The following ARHGAP35 variants were observed in gnomAD, a reference collection of about 807,000 sequenced individuals.
The protein encoded by ARHGAP35 is rho GTPase-activating protein 35.
ARHGAP35 carries 15 observed loss-of-function variants against 111.1 expected under a neutral mutation model. The observed-to-expected ratio is 0.13, with a 90% CI of 0.09 to 0.21. The LOEUF is 0.21. Ranked by LOEUF, ARHGAP35 falls within the 10% of genes least tolerant of loss-of-function variation. The pLI, the probability that ARHGAP35 is intolerant of heterozygous loss-of-function variation, is 1.00. For missense variants in ARHGAP35, 1,262 were observed against 1,873.0 expected, an observed-to-expected ratio of 0.67 and a Z score of 6.02; for synonymous variants, 643 against 710.3, an observed-to-expected ratio of 0.91 and a Z score of 1.51.
At chr19:46,965,262 G>T (rs1386863547) in intron 3 of ARHGAP35, among the ~76,000 whole-genome samples, 1 of 152,144 alleles carries the variant, frequency 6.6e-6, no homozygotes, top group African/African-American at 2.4e-5. Flanking sequence ...GCAGTGAGCC[G>T]AGATTGCGCC....
intron 1 of ARHGAP35, among the ~76,000 whole-genome samples, chr19:46,887,609 G>A (rs139738311): frequency 6.6e-6 from 1 of 152,154 alleles, no homozygotes; most frequent in African/African-American, 2.4e-5. Context: ...CTCTCTAAGG[G>A]CCTCTAGAAG....
chr19:46,966,014 T>C (rs562895147), intron 3 of ARHGAP35, among the ~76,000 whole-genome samples: 2 of 152,190 alleles, frequency 1.3e-5, no homozygotes, highest in East Asian at 3.9e-4. Flanking sequence ...ATAAAGGAAG[T>C]ATTAGTTGGA....
At chr19:46,895,116 T>C (rs1331688750) in intron 1 of ARHGAP35, among the ~76,000 whole-genome samples, 1 of 152,108 alleles carries the variant, frequency 6.6e-6, no homozygotes, top group East Asian at 1.9e-4. Flanking sequence ...TAGAAATGAA[T>C]TTTTGCAATT....
chr19:46,921,611 A>C lies in ARHGAP35; in HGVS notation c.2936A>C (p.Asn979Thr). ...CCCCGGGCAGGATCACCGCTCTGCA[A>C]CTCAAACCTGCAGGATTCAGAAGAA... Reference protein sequence around the residue: ...NSPRAGSPLCNSNLQDSEEDI... With the variant: ...NSPRAGSPLCTSNLQDSEEDI... The change falls in exon 2 of 7, where the codon AAC becomes ACC. Residue 979 changes from asparagine to threonine, a missense_variant. By Grantham distance (65) the Asn-to-Thr change is moderately conservative (BLOSUM62 0). Around this residue, in one of 8 missense-constraint regions of ARHGAP35, gnomAD observed 579 missense variants for 716.9 expected, o/e 0.81. Transcript: ENST00000672722. This position sits in a 1 kb window ranked among gnomAD's most constrained non-coding sequence, Gnocchi z 4.3. 4 of 1,613,908 alleles carry C rather than the reference A, an allele frequency of 2.5e-6. No homozygotes were observed. The African/African-American group carries it at 5.3e-5, about 22-fold the overall frequency.
At chr19:46,951,436 T>G (rs1279197221) in intron 3 of ARHGAP35, among the ~76,000 whole-genome samples, 1 of 149,118 alleles carries the variant, frequency 6.7e-6, no homozygotes, top group Non-Finnish European at 1.5e-5. Context: ...TTGTGCCATG[T>G]GTGTTTTGAT....
At chr19:46,953,023 C>T (rs1015550253) in intron 3 of ARHGAP35, among the ~76,000 whole-genome samples, 3 of 152,150 alleles carry the variant, frequency 2.0e-5, no homozygotes, top group African/African-American at 7.2e-5. Flanking sequence ...TATTTCTCTG[C>T]CTGGCTCCAG....
chr19:46,931,466 A>G (rs894989638), intron 2 of ARHGAP35, among the ~76,000 whole-genome samples: 6 of 152,150 alleles, frequency 3.9e-5, no homozygotes, highest in African/African-American at 1.4e-4. Flanking sequence ...CTACTCTGCC[A>G]CAGTCGGGAG....
intron 1 of ARHGAP35, among the ~76,000 whole-genome samples, chr19:46,882,578 G>T (rs1206800598): frequency 1.3e-5 from 2 of 152,144 alleles, no homozygotes; most frequent in African/African-American, 4.8e-5. Flanking sequence ...ATGGTTTGCT[G>T]CACCTATCGA....
chr19:46,937,598 G>T (rs899742920), intron 3 of ARHGAP35, among the ~76,000 whole-genome samples, 190 bp downstream of exon 3: 9 of 152,142 alleles, frequency 5.9e-5, no homozygotes, highest in Admixed American at 1.3e-4. Context: ...TGAGGCTGTC[G>T]TTGGGCATTT....
chr19:46,926,701 C>T lies in ARHGAP35; in HGVS notation c.3681+4345C>T, dbSNP rs991121489. Among the ~76,000 whole-genome samples, 1 of 152,020 alleles carries T rather than the reference C, an allele frequency of 6.6e-6. No homozygotes were observed. Among genetic ancestry groups the T allele is most frequent in the Non-Finnish European group, 1.5e-5 (1 of 68,000 alleles). On this transcript the variant is annotated intron_variant, in intron 2 of 6. Coordinates refer to ENST00000672722, the MANE Select transcript of ARHGAP35 (RefSeq NM_004491.5). This position sits in a 1 kb window ranked among gnomAD's most constrained non-coding sequence, Gnocchi z 4.1. ...CTGCAGCAACCACATGACAAGACAA[C>T]CTATTGAAAAGCTAACCAATTCAAT...
chr19:46,989,769 TA>T lies in ARHGAP35; in HGVS notation c.4036+95del, dbSNP rs2056670140. The T allele has an allele frequency of 3.8e-6, 6 of 1,573,520 alleles. No homozygotes were observed. The highest frequency in any genetic ancestry group is 4.3e-6 in the Non-Finnish European group (5 of 1,157,658). The stretch of plus-strand genomic sequence containing the variant: ...TGCCCTCAGAATGGATGCTGGCTGT[TA>T]GAGCTGAGGTTTGAAGGACAGAGGG... On this transcript the variant is annotated intron_variant, in intron 5 of 6. Transcript: ENST00000672722. This position sits in a 1 kb window ranked among gnomAD's most constrained non-coding sequence, Gnocchi z 5.3.
intron 1 of ARHGAP35, among the ~76,000 whole-genome samples, chr19:46,909,159 C>T (rs760272369): frequency 7.9e-5 from 12 of 151,940 alleles, no homozygotes; most frequent in African/African-American, 1.2e-4. Flanking sequence ...AAAAATTAGC[C>T]GGCCGTGGTG....
At chr19:46,975,313 G>T (rs1416314284) in intron 3 of ARHGAP35, among the ~76,000 whole-genome samples, 1 of 152,168 alleles carries the variant, frequency 6.6e-6, no homozygotes, top group East Asian at 1.9e-4. Context: ...TCCTGCAGGG[G>T]TCCTAAATTT....
At chr19:46,959,296 TC>T (rs1191907202) in intron 3 of ARHGAP35, among the ~76,000 whole-genome samples, 2 of 152,070 alleles carry the variant, frequency 1.3e-5, no homozygotes, top group Non-Finnish European at 2.9e-5. Flanking sequence ...ACTCCTGTGC[TC>T]AAGTGATTCG....
intron 1 of ARHGAP35, among the ~76,000 whole-genome samples, chr19:46,868,266 ATCTG>A (rs2055869135): frequency 1.3e-5 from 2 of 152,214 alleles, no homozygotes; most frequent in South Asian, 2.1e-4. Context: ...AAGAATCCAG[ATCTG>A]TCTGATTTCA....
intron 3 of ARHGAP35, among the ~76,000 whole-genome samples, chr19:46,970,723 G>A (rs142044045): frequency 9.3e-4 from 142 of 152,330 alleles, no homozygotes; most frequent in Non-Finnish European, 1.8e-3. Flanking sequence ...AATCTAGTAA[G>A]GGTGAAGATT....
At chr19:46,864,948 C>T (rs1441685640) in intron 1 of ARHGAP35, among the ~76,000 whole-genome samples, 6 of 152,182 alleles carry the variant, frequency 3.9e-5, no homozygotes, top group Admixed American at 6.5e-5. Flanking sequence ...GTTTTAATAT[C>T]ATTGGCAGCA....
At chr19:46,882,933 G>A (rs2055970360) in intron 1 of ARHGAP35, among the ~76,000 whole-genome samples, 1 of 152,094 alleles carries the variant, frequency 6.6e-6, no homozygotes, top group Admixed American at 6.5e-5. Context: ...CTTTAACAAT[G>A]TGGCTGTTTG....
Position 46,919,683 on chromosome 19 carries a change from G to A in ARHGAP35, c.1008G>A (p.Arg336=), listed in dbSNP as rs1248831590. 11 of 1,613,964 alleles carry A rather than the reference G, an allele frequency of 6.8e-6. No homozygotes were observed. Among genetic ancestry groups the A allele is most frequent in the South Asian group, 1.1e-5 (1 of 91,080 alleles). ...HRLKHEHIER[R]RKLYLAALPL... Reference sequence around the variant, plus strand: ...TCAAGCATGAGCATATCGAGCGTAGGAGAAAGCTGTACCTGGCAGCCCTGC... The same window carrying A: ...TCAAGCATGAGCATATCGAGCGTAGAAGAAAGCTGTACCTGGCAGCCCTGC... Residue 336 remains arginine (R), a synonymous_variant, in exon 2 of 7, where the codon AGG becomes AGA. Coordinates refer to ENST00000672722, the MANE Select transcript of ARHGAP35 (RefSeq NM_004491.5). This position sits in a 1 kb window ranked among gnomAD's most constrained non-coding sequence, Gnocchi z 6.2.
Sources: gnomAD v4.1 joint callset for allele counts (sites outside exome capture counted in the v4.1 genomes callset) on GRCh38, gnomAD v4.1.1 for gene constraint, gnomAD v4.1.1 regional missense constraint, Gnocchi (gnomAD v3.1) non-coding constraint, MANE v1.5 for transcripts, NCBI Gene and HGNC (gene_info 2026-07-23, HGNC 2026-07-21) for gene names.